PTN: variants seen among roughly 807,000 people sequenced by gnomAD.
PTN encodes the protein pleiotrophin.
A neutral mutation model predicts 24.1 loss-of-function variants in PTN; 18 were observed. The ratio of observed to expected loss-of-function variants is 0.75; its 90% CI spans 0.52 to 1.11. The LOEUF (loss-of-function observed/expected upper bound fraction) is 1.11, where lower values mean the gene tolerates loss of function less well. Among genes scored for constraint, PTN ranks in the 50% least tolerant of loss-of-function variants. The probability of loss-of-function intolerance (pLI) is 0.00; values close to 1 mark genes in which losing one functional copy is unlikely to be tolerated. For synonymous variants in PTN, 78 were observed against 68.6 expected (o/e 1.14, Z -0.67); for missense variants, 163 against 198.8 (o/e 0.82, Z 1.08).
At chr7:137,318,743 T>A (rs1168939899) in intron 1 of PTN, 1 of 146,204 alleles carries the variant, frequency 6.8e-6, no homozygotes, top group Non-Finnish European at 1.5e-5. Context: ...CAACCTAAGT[T>A]CAAATCTAGC....
chr7:137,295,001 A>G (rs577447444), intron 1 of PTN, among the ~76,000 whole-genome samples: 1 of 152,258 alleles, frequency 6.6e-6, no homozygotes, highest in Non-Finnish European at 1.5e-5. Flanking sequence ...TGTTGATGAC[A>G]GAGTCAATCT....
intron 1 of PTN, among the ~76,000 whole-genome samples, chr7:137,271,389 C>T (rs1484682277): frequency 6.6e-6 from 1 of 152,098 alleles, no homozygotes; most frequent in Non-Finnish European, 1.5e-5. Context: ...ACCTCTGTTC[C>T]CTATTAATCT....
chr7:137,264,579 GA>G (rs1401645711), intron 1 of PTN, among the ~76,000 whole-genome samples: 4 of 152,136 alleles, frequency 2.6e-5, no homozygotes, highest in Admixed American at 2.6e-4. Flanking sequence ...GATGGTCTTG[GA>G]GGTTGGACCC....
At chr7:137,255,824 C>A (rs1007096754) in intron 1 of PTN, among the ~76,000 whole-genome samples, 9 of 152,192 alleles carry the variant, frequency 5.9e-5, no homozygotes, top group African/African-American at 1.7e-4. Context: ...TCAGTCCAAG[C>A]TCCAGGACGA....
At chr7:137,246,252 T>C (rs1277903978) in intron 4 of PTN, among the ~76,000 whole-genome samples, 1 of 152,164 alleles carries the variant, frequency 6.6e-6, no homozygotes. Context: ...CAAATACCTA[T>C]CATTGTGTTA....
chr7:137,260,199 G>A (rs921877908), intron 1 of PTN, among the ~76,000 whole-genome samples: 30 of 152,120 alleles, frequency 2.0e-4, no homozygotes, highest in African/African-American at 6.0e-4. Flanking sequence ...GATTTGTGAT[G>A]CTTCTGCATT....
chr7:137,229,599 AG>A (rs1808394609), intron 4 of PTN, among the ~76,000 whole-genome samples: 1 of 151,786 alleles, frequency 6.6e-6, no homozygotes, highest in Non-Finnish European at 1.5e-5. Flanking sequence ...TCAAACTTCA[AG>A]GGTACACTAT....
At chr7:137,246,940 T>C (rs764630690) in intron 4 of PTN, among the ~76,000 whole-genome samples, 3 of 152,106 alleles carry the variant, frequency 2.0e-5, no homozygotes, top group Non-Finnish European at 4.4e-5. Context: ...ATATATAAAG[T>C]AGGATAAATA....
intron 1 of PTN, among the ~76,000 whole-genome samples, chr7:137,293,261 A>C (rs1469398750): frequency 6.6e-6 from 1 of 152,092 alleles, no homozygotes; most frequent in Non-Finnish European, 1.5e-5. Context: ...AGAATCCATA[A>C]ATAGATGGAG....
rs73162490 is a variant in PTN, at chr7:137,231,903, G to A, written c.452-3828C>T. Among the ~76,000 whole-genome samples, 1,230 of 151,976 alleles carry A rather than the reference G, an allele frequency of 8.1e-3. 9 individuals carry two copies. Among genetic ancestry groups the A allele is most frequent in the Non-Finnish European group, 0.012 (826 of 67,882 alleles). ...TGGGTAAAACTGTCCCAGTTTAGTC[G>A]CCTTTCAAGGTTAGAGAGAAATGTT... On this transcript the variant is annotated intron_variant, in intron 4 of 4. Coordinates refer to ENST00000348225, the MANE Select transcript of PTN (RefSeq NM_002825.7).
At chr7:137,291,215 A>G (rs1302884808) in intron 1 of PTN, among the ~76,000 whole-genome samples, 1 of 152,226 alleles carries the variant, frequency 6.6e-6, no homozygotes, top group Non-Finnish European at 1.5e-5. Flanking sequence ...CACATATGCA[A>G]TATGCCCATT....
chr7:137,233,411 C>T (rs1808463610), intron 4 of PTN, among the ~76,000 whole-genome samples: 1 of 151,918 alleles, frequency 6.6e-6, no homozygotes, highest in Admixed American at 6.6e-5. Flanking sequence ...CCTCTGCAAT[C>T]TCATCTTACC....
chr7:137,333,501 C>T (rs1810394912), intron 1 of PTN, among the ~76,000 whole-genome samples: 1 of 152,140 alleles, frequency 6.6e-6, no homozygotes, highest in Non-Finnish European at 1.5e-5. Context: ...GGCAGCCCCA[C>T]CGTCTTCAAG....
intron 4 of PTN, among the ~76,000 whole-genome samples, chr7:137,242,081 GAACT>G (rs1390106352): frequency 6.6e-6 from 1 of 152,172 alleles, no homozygotes; most frequent in African/African-American, 2.4e-5. Flanking sequence ...ATCTTTAAAA[GAACT>G]AACAAAAGAA....
chr7:137,278,796 C>T (rs1028609157), intron 1 of PTN, among the ~76,000 whole-genome samples: 4 of 151,604 alleles, frequency 2.6e-5, no homozygotes, highest in African/African-American at 4.8e-5. Context: ...AAAAACTTAG[C>T]CGGGCATGGT....
chr7:137,232,460 T>G (rs916827815), intron 4 of PTN, among the ~76,000 whole-genome samples: 10 of 151,326 alleles, frequency 6.6e-5, no homozygotes, highest in South Asian at 2.1e-4. Flanking sequence ...TTGTGGGGGG[T>G]TTTTAAATAC....
At chr7:137,282,255 A>C (rs1330423878) in intron 1 of PTN, among the ~76,000 whole-genome samples, 2 of 152,240 alleles carry the variant, frequency 1.3e-5, no homozygotes, top group Admixed American at 1.3e-4. Context: ...ATGTATTCTT[A>C]CAAAAGTATG....
intron 1 of PTN, among the ~76,000 whole-genome samples, chr7:137,285,149 T>C (rs1809533374): frequency 6.6e-6 from 1 of 152,152 alleles, no homozygotes; most frequent in Admixed American, 6.5e-5. Context: ...TGGTAGAAAG[T>C]TCTTCCTTAT....
chr7:137,242,842 A>T (rs1266802408), intron 4 of PTN, among the ~76,000 whole-genome samples: 2 of 152,048 alleles, frequency 1.3e-5, no homozygotes, highest in Non-Finnish European at 2.9e-5. Context: ...CAGCACCCCC[A>T]CGGACGGGTC....
Sources: gnomAD v4.1 joint callset for allele counts (sites outside exome capture counted in the v4.1 genomes callset) on GRCh38, gnomAD v4.1.1 for gene constraint, MANE v1.5 for transcripts, NCBI Gene and HGNC (gene_info 2026-07-23, HGNC 2026-07-21) for gene names.